Variants in ASIC1 observed in about 807,000 individuals in gnomAD.
ASIC1 encodes acid sensing ion channel subunit 1.
ASIC1 carries 21 observed loss-of-function variants against 63.4 expected under a neutral mutation model. That is an observed-to-expected ratio of 0.33 (90% CI 0.23 to 0.48). ASIC1 has a LOEUF of 0.48. Among genes scored for constraint, ASIC1 ranks in the 20% least tolerant of loss-of-function variants. The pLI is 0.99. For synonymous variants in ASIC1, 258 were observed against 278.2 expected, an observed-to-expected ratio of 0.93 and a Z score of 0.72; for missense variants, 478 against 695.5, an observed-to-expected ratio of 0.69 and a Z score of 3.52.
At chr12:50,061,570 A>G (rs1950501211) in intron 3 of ASIC1, among the ~76,000 whole-genome samples, 1 of 152,156 alleles carries the variant, frequency 6.6e-6, no homozygotes, top group Admixed American at 6.5e-5. Context: ...CCTCCCTCCA[A>G]CACACCCAAC....
At chr12:50,080,842 GC>G in intron 9 of ASIC1, 1 of 935,542 alleles carries the variant, frequency 1.1e-6, no homozygotes, top group Non-Finnish European at 1.6e-6. Context: ...TATTTCATAT[GC>G]CCCTAAACTA....
intron 3 of ASIC1, among the ~76,000 whole-genome samples, chr12:50,075,649 G>C (rs1257575747): frequency 2.0e-5 from 3 of 152,170 alleles, no homozygotes; most frequent in Non-Finnish European, 4.4e-5. Context: ...TCTAGGAAGG[G>C]GGAAGGGGGC....
chr12:50,075,225 G>A (rs2137837927), intron 3 of ASIC1, among the ~76,000 whole-genome samples: 1 of 152,264 alleles, frequency 6.6e-6, no homozygotes, highest in Non-Finnish European at 1.5e-5. Context: ...TCATACCCGT[G>A]CATCATGGGA....
rs549342470 is a variant in ASIC1 at position 50,058,468 on chromosome 12, TC to T, written c.-16-278del. ...GCCTGCCTATGGGTGCATCAGGACTTCCCCCTCAACCTCGGATGACTATATC... is the reference window on the plus strand; with the variant it reads ...GCCTGCCTATGGGTGCATCAGGACTTCCCCTCAACCTCGGATGACTATATC... On this transcript the variant is annotated intron_variant, in intron 1 of 11. Transcript: ENST00000447966. Among the ~76,000 whole-genome samples the T allele has an allele frequency of 3.9e-5, 6 of 152,248 alleles. No individual in the cohort carries two copies. In the South Asian group the frequency reaches 1.2e-3, roughly 32 times the overall value.
chr12:50,074,774 T>C lies in ASIC1; in HGVS notation c.559-2439T>C, dbSNP rs1404782411. 3.9e-5 allele frequency among the ~76,000 whole-genome samples: 6 copies of C among 152,010 alleles called. No individual in the cohort carries two copies. The highest frequency in any genetic ancestry group is 7.4e-5 in the Non-Finnish European group (5 of 67,972). On this transcript the variant is annotated intron_variant, in intron 3 of 11. Coordinates refer to ENST00000447966, the MANE Select transcript of ASIC1 (RefSeq NM_001095.4). The surrounding 1 kb of genome is among the most constrained non-coding windows in gnomAD (Gnocchi z 4.2). ...CCCAACCCCACCCCACCATGGCCCT[T>C]GTCAGCATCTCCTGCAGCAGGGACT...
At chr12:50,075,439 T>C (rs1322700458) in intron 3 of ASIC1, among the ~76,000 whole-genome samples, 1 of 152,210 alleles carries the variant, frequency 6.6e-6, no homozygotes, top group African/African-American at 2.4e-5. Context: ...CAGACACCTC[T>C]AATCCCATAC....
In ASIC1 at chr12:50,083,226, G is replaced by A. The variant is rs1950739004; in HGVS notation, c.*1577G>A. On this transcript the variant is annotated 3_prime_UTR_variant, in exon 12 of 12. Transcript: ENST00000447966. ...CTGGTGAGGTGGGTTTGGGAGGAAAGAGAGGCCTAGAGGAGGAGTTGAAAG... is the reference window on the plus strand; with the variant it reads ...CTGGTGAGGTGGGTTTGGGAGGAAAAAGAGGCCTAGAGGAGGAGTTGAAAG... The A allele has an allele frequency of 6.6e-6, 1 of 152,270 alleles. No individual in the cohort carries two copies. Among genetic ancestry groups the A allele is most frequent in the Non-Finnish European group, 1.5e-5 (1 of 68,050 alleles). 9.4% of individuals were successfully genotyped at this position (152,270 alleles called of 1,614,324 possible). A position where few individuals can be genotyped will look rare whatever the true frequency, so the allele number is the denominator to read the frequency against.
Position 50,075,870 on chromosome 12 carries a change from T to G in ASIC1, c.559-1343T>G, listed in dbSNP as rs570503426. ...AAAAGGCCAAGGATAACTGGTTTAC[T>G]TTTCTCTTTGCAGCTTTTTAATCAG... On this transcript the variant is annotated intron_variant, in intron 3 of 11. Coordinates refer to ENST00000447966, the MANE Select transcript of ASIC1 (RefSeq NM_001095.4). Among the ~76,000 whole-genome samples, 5 of 152,342 alleles carry G rather than the reference T, an allele frequency of 3.3e-5. No individual in the cohort carries two copies. The South Asian group carries it at 1.0e-3, about 32-fold the overall frequency.
rs1186311183 is a variant in ASIC1 at position 50,081,753 on chromosome 12, G to A, written c.*104G>A. On this transcript the variant is annotated 3_prime_UTR_variant, in exon 12 of 12. Coordinates refer to ENST00000447966, the MANE Select transcript of ASIC1 (RefSeq NM_001095.4). ...CTGCCCTGGGGACTCCCCACACTCC[G>A]GGGCAGATCTTTCCTCTTGTCTGTG... The A allele has an allele frequency of 9.0e-6, 9 of 997,574 alleles. No individual in the cohort carries two copies. Among genetic ancestry groups the A allele is most frequent in the Middle Eastern group, 2.2e-4 (1 of 4,560 alleles). The allele number at this position is 997,574 out of a possible 1,614,324, so 61.8% of individuals were successfully genotyped here. A position where few individuals can be genotyped will look rare whatever the true frequency, so the allele number is the denominator to read the frequency against.
chr12:50,067,163 C>T (rs1429024245), intron 3 of ASIC1, among the ~76,000 whole-genome samples: 1 of 152,186 alleles, frequency 6.6e-6, no homozygotes, highest in Non-Finnish European at 1.5e-5. Context: ...TATAGTATCT[C>T]TCTGCTTCCC....
intron 3 of ASIC1, among the ~76,000 whole-genome samples, chr12:50,061,182 T>C (rs1950497542): frequency 6.6e-6 from 1 of 152,172 alleles, no homozygotes; most frequent in African/African-American, 2.4e-5. Flanking sequence ...CTGCCTATTT[T>C]CTCCCCGCTT....
chr12:50,077,832 G>A (rs1950672432), intron 4 of ASIC1, among the ~76,000 whole-genome samples, 168 bp from the exon 5 acceptor site: 1 of 152,072 alleles, frequency 6.6e-6, no homozygotes, highest in African/African-American at 2.4e-5. Context: ...GCTCAGAGCT[G>A]GTAAACCCAG....
At chr12:50,064,365 CCT>C (rs1242070984) in intron 3 of ASIC1, among the ~76,000 whole-genome samples, 2 of 152,060 alleles carry the variant, frequency 1.3e-5, no homozygotes, top group Non-Finnish European at 2.9e-5. Context: ...TCTCCTTTTG[CCT>C]CTCTCTCAGA....
chr12:50,081,730 G>T lies in ASIC1; in HGVS notation c.*81G>T, dbSNP rs887097147. On this transcript the variant is annotated 3_prime_UTR_variant, in exon 12 of 12. Transcript: ENST00000447966. The stretch of plus-strand genomic sequence containing the variant: ...GGCCCCCAGCTGCCTCCTCACATCT[G>T]CCCTGGGGACTCCCCACACTCCGGG... 9 of 1,309,778 alleles carry T rather than the reference G, an allele frequency of 6.9e-6. No homozygotes were observed. Among genetic ancestry groups the T allele is most frequent in the Admixed American group, 2.0e-5 (1 of 50,664 alleles). The allele number at this position is 1,309,778 out of a possible 1,614,324, so 81.1% of individuals were successfully genotyped here.
chr12:50,077,220 C>T lies in ASIC1; in HGVS notation c.566C>T (p.Thr189Ile). ...CSAEDFKVVF[T>I]RYGKCYTFNS... ...CCACTCTGCCCTCGCCAGGTCTTCACACGCTATGGAAAGTGCTACACGTTC... is the reference window on the plus strand; with the variant it reads ...CCACTCTGCCCTCGCCAGGTCTTCATACGCTATGGAAAGTGCTACACGTTC... Residue 189 changes from threonine to isoleucine, a missense_variant, in exon 4 of 12, where the codon ACA (threonine) becomes ATA (isoleucine). Transcript: ENST00000447966. 1 of 1,609,420 alleles carries T rather than the reference C, an allele frequency of 6.2e-7. No individual in the cohort carries two copies.
chr12:50,079,095 C>A, intron 7 of ASIC1, 115 bp downstream of exon 7: 1 of 1,027,976 alleles, frequency 9.7e-7, no homozygotes, highest in Non-Finnish European at 1.5e-6. Flanking sequence ...GACTGGGCTG[C>A]ACCCTCTCTT....
intron 3 of ASIC1, among the ~76,000 whole-genome samples, chr12:50,073,312 C>T (rs1950617954): frequency 6.6e-6 from 1 of 152,184 alleles, no homozygotes; most frequent in African/African-American, 2.4e-5. Flanking sequence ...CCCTGCTCTC[C>T]ATCAGCCTCC....
At chr12:50,077,850 C>A (rs1950672732) in intron 4 of ASIC1, 150 bp from the exon 5 acceptor site, 1 of 1,148,932 alleles carries the variant, frequency 8.7e-7, no homozygotes, top group South Asian at 1.6e-5. Context: ...CAGAAGGAGG[C>A]TAGGGGGTGG....
Position 50,074,860 on chromosome 12 carries a change from C to CTGTGTGTGTGTGTGTGTG in ASIC1, c.559-2323_559-2306dup, listed in dbSNP as rs376276861. Among the ~76,000 whole-genome samples, 11 of 141,420 alleles carry CTGTGTGTGTGTGTGTGTG rather than the reference C, an allele frequency of 7.8e-5. No homozygotes were observed. The highest frequency in any genetic ancestry group is 2.9e-4 in the African/African-American group (11 of 37,506). The allele number at this position is 141,420 out of a possible 152,430, so 92.8% of individuals were successfully genotyped here. ...TATGGACGCCCCACCCCCACCAGCT[C>CTGTGTGTGTGTGTGTGTG]TGTGTGTGTGTGTGTGTGTGTGTGT... is the stretch of plus-strand genomic sequence containing the variant. On this transcript the variant is annotated intron_variant, in intron 3 of 11. Coordinates refer to ENST00000447966, the MANE Select transcript of ASIC1 (RefSeq NM_001095.4). This position sits in a 1 kb window ranked among gnomAD's most constrained non-coding sequence, Gnocchi z 4.2.
Sources: allele counts gnomAD v4.1 joint callset (sites outside exome capture counted in the v4.1 genomes callset), GRCh38; gene constraint gnomAD v4.1.1; non-coding constraint Gnocchi (gnomAD v3.1); transcripts MANE v1.5; gene names NCBI Gene and HGNC (gene_info 2026-07-23, HGNC 2026-07-21).